The following TIMM23 variants were observed in gnomAD, a reference collection of about 807,000 sequenced individuals.
The protein encoded by TIMM23 is translocase of inner mitochondrial membrane 23, also known as mitochondrial import inner membrane translocase subunit Tim23.
TIMM23 carries 19 observed loss-of-function variants against 30.7 expected under a neutral mutation model. The observed-to-expected ratio is 0.62, with a 90% confidence interval of 0.43 to 0.91. TIMM23 has a LOEUF of 0.91. TIMM23 is among the 40% of genes least tolerant of loss of function. The pLI, the probability that TIMM23 is intolerant of heterozygous loss-of-function variation, is 0.00. For synonymous variants in TIMM23, 78 were observed against 98.5 expected (o/e 0.79, Z 1.23); for missense variants, 202 against 269.2 (o/e 0.75, Z 1.75).
intron 1 of TIMM23, among the ~76,000 whole-genome samples, chr10:45,973,825 T>G (rs1837578255): frequency 6.8e-6 from 1 of 147,476 alleles, no homozygotes; most frequent in Non-Finnish European, 1.5e-5. Context: ...TTTTTTTTTT[T>G]GACTTATTGT....
At chr10:45,978,231 T>C (rs1487449285) in intron 2 of TIMM23, among the ~76,000 whole-genome samples, 2 of 151,950 alleles carry the variant, frequency 1.3e-5, no homozygotes, top group Non-Finnish European at 2.9e-5. Context: ...TGTGCACCTG[T>C]AGTCCCAGCT....
At chr10:45,985,591 A>G (rs1469734681) in intron 5 of TIMM23, 150 bp downstream of exon 5, 206 of 978,676 alleles carry the variant, frequency 2.1e-4, no homozygotes, top group Non-Finnish European at 3.2e-4. Context: ...TACTTAGGGA[A>G]AGACCATGAA....
chr10:45,989,393 G>T (rs1375192361), intron 6 of TIMM23, among the ~76,000 whole-genome samples: 1 of 152,120 alleles, frequency 6.6e-6, no homozygotes, highest in Non-Finnish European at 1.5e-5. Context: ...AGGAATATTT[G>T]GGTTGCTTCT....
At chr10:45,988,436 G>A (rs1439705586) in intron 5 of TIMM23, among the ~76,000 whole-genome samples, 1 of 152,158 alleles carries the variant, frequency 6.6e-6, no homozygotes, top group Non-Finnish European at 1.5e-5. Context: ...GGGGAGAAAA[G>A]GGAGTAGGTG....
chr10:46,003,026 C>T (rs1838598555), intron 6 of TIMM23, among the ~76,000 whole-genome samples, 177 bp from the exon 7 acceptor site: 1 of 151,988 alleles, frequency 6.6e-6, no homozygotes, highest in Non-Finnish European at 1.5e-5. Flanking sequence ...ACTATGTTGG[C>T]CAGGCTGGTT....
chr10:45,986,865 G>A (rs1477743727), intron 5 of TIMM23, among the ~76,000 whole-genome samples: 5 of 151,904 alleles, frequency 3.3e-5, no homozygotes, highest in Non-Finnish European at 7.4e-5. Context: ...ATTATGGGTA[G>A]CATATAAATG....
intron 6 of TIMM23, among the ~76,000 whole-genome samples, chr10:45,990,125 T>C (rs2132267644): frequency 6.6e-6 from 1 of 151,484 alleles, no homozygotes; most frequent in Non-Finnish European, 1.5e-5. Flanking sequence ...AATTTTTTTT[T>C]TTTTTTTTTT....
intron 5 of TIMM23, 46 bp downstream of exon 5, chr10:45,985,487 C>T (rs1257261787): frequency 1.9e-6 from 3 of 1,601,026 alleles, no homozygotes; most frequent in East Asian, 2.2e-5. Flanking sequence ...AGAAAGAATG[C>T]ACAAATATCA....
intron 6 of TIMM23, among the ~76,000 whole-genome samples, chr10:45,994,958 GT>G (rs1253148109): frequency 2.0e-5 from 3 of 151,978 alleles, no homozygotes; most frequent in Non-Finnish European, 4.4e-5. Context: ...TCCTGGGTCT[GT>G]TTTTAACCAG....
At chr10:46,001,785 C>T (rs1440419121) in intron 6 of TIMM23, among the ~76,000 whole-genome samples, 1 of 152,144 alleles carries the variant, frequency 6.6e-6, no homozygotes, top group Non-Finnish European at 1.5e-5. Flanking sequence ...GCTTTGGGCA[C>T]CCCCATTCCT....
intron 1 of TIMM23, among the ~76,000 whole-genome samples, chr10:45,973,567 T>A (rs1837567906): frequency 6.6e-6 from 1 of 152,214 alleles, no homozygotes; most frequent in Non-Finnish European, 1.5e-5. Flanking sequence ...CAAAAAAATA[T>A]AAAAGACCTT....
chr10:45,992,667 C>T (rs113427691), intron 6 of TIMM23: 335,773 of 382,964 alleles, frequency 0.88, 147,416 homozygotes, highest in East Asian at 0.96. Flanking sequence ...AAGCGATTCT[C>T]CTGCCTCAGC....
At chr10:45,992,861 A>G (rs1838207631) in intron 6 of TIMM23, among the ~76,000 whole-genome samples, 1 of 152,100 alleles carries the variant, frequency 6.6e-6, no homozygotes, top group Non-Finnish European at 1.5e-5. Flanking sequence ...GGGCCAAGCC[A>G]GATTCTTTAA....
intron 6 of TIMM23, chr10:46,002,468 C>T (rs7085433): frequency 0.11 from 102,896 of 979,460 alleles, 5,581 homozygotes; most frequent in Non-Finnish European, 0.11. Context: ...CATGCCTGGC[C>T]GTCACTAATC....
chr10:45,993,826 A>G lies in TIMM23; in HGVS notation c.514+4979A>G, dbSNP rs1838244712. On this transcript the variant is annotated intron_variant, in intron 6 of 6. Coordinates refer to ENST00000580018, the MANE Select transcript of TIMM23 (RefSeq NM_006327.4). ...TAGAGCAAGTCTCCATCTCGAAATG[A>G]AATGAGATGACATGAGATGAAATGG... is the stretch of plus-strand genomic sequence containing the variant. Among the ~76,000 whole-genome samples, 12 of 152,280 alleles carry G rather than the reference A, an allele frequency of 7.9e-5. 1 individual carries two copies. The South Asian group carries it at 2.5e-3, about 32-fold the overall frequency.
intron 2 of TIMM23, among the ~76,000 whole-genome samples, chr10:45,977,674 T>G (rs1250021960): frequency 1.3e-5 from 2 of 152,156 alleles, no homozygotes; most frequent in East Asian, 1.9e-4. Flanking sequence ...GCACAAGTGG[T>G]AAAAAGAAAG....
At chr10:45,998,857 G>A (rs1261407168) in intron 6 of TIMM23, among the ~76,000 whole-genome samples, 16 of 138,320 alleles carry the variant, frequency 1.2e-4, no homozygotes, top group African/African-American at 3.8e-4. Flanking sequence ...TTTTGAGACA[G>A]AGTCTTGCTG....
chr10:45,992,851 G>A lies in TIMM23; in HGVS notation c.514+4004G>A, dbSNP rs1421596693. Among the ~76,000 whole-genome samples the A allele has an allele frequency of 4.6e-5, 7 of 151,878 alleles. No individual in the cohort carries two copies. In the East Asian group the frequency reaches 5.8e-4, roughly 13 times the overall value. On this transcript the variant is annotated intron_variant, in intron 6 of 6. Coordinates refer to ENST00000580018, the MANE Select transcript of TIMM23 (RefSeq NM_006327.4). Reference sequence around the variant, plus strand: ...GATTACAGGCATGAACCACCACGCCGGGCCAAGCCAGATTCTTTAAAGTGG... The same window carrying A: ...GATTACAGGCATGAACCACCACGCCAGGCCAAGCCAGATTCTTTAAAGTGG...
At chr10:45,993,224 A>G (rs1278723277) in intron 6 of TIMM23, among the ~76,000 whole-genome samples, 1 of 132,182 alleles carries the variant, frequency 7.6e-6, no homozygotes, top group Non-Finnish European at 1.5e-5. Flanking sequence ...AACGTTTGCC[A>G]GTGTGAGCAT....
Sources: gnomAD v4.1 joint callset for allele counts (sites outside exome capture counted in the v4.1 genomes callset) on GRCh38, gnomAD v4.1.1 for gene constraint, MANE v1.5 for transcripts, NCBI Gene and HGNC (gene_info 2026-07-23, HGNC 2026-07-21) for gene names.